The following CNTNAP5 variants were observed in gnomAD, a reference collection of about 807,000 sequenced individuals.
CNTNAP5 encodes the protein contactin-associated protein-like 5.
A neutral mutation model predicts 150.2 loss-of-function variants in CNTNAP5; 72 were observed. The observed-to-expected ratio is 0.48, with a 90% CI of 0.40 to 0.58. The LOEUF (loss-of-function observed/expected upper bound fraction) is 0.58, where lower values mean the gene tolerates loss of function less well. Ranked by LOEUF, CNTNAP5 falls within the 20% of genes least tolerant of loss-of-function variation. The pLI is 0.00. For missense variants in CNTNAP5, 1,636 were observed against 1,626.2 expected, an observed-to-expected ratio of 1.01 and a Z score of -0.10; for synonymous variants, 672 against 619.8, an observed-to-expected ratio of 1.08 and a Z score of -1.25.
At chr2:124,121,937 C>A (rs1056210300) in intron 1 of CNTNAP5, among the ~76,000 whole-genome samples, 4 of 152,196 alleles carry the variant, frequency 2.6e-5, no homozygotes, top group African/African-American at 9.7e-5. Context: ...GGAACTATTA[C>A]CACCATTAAT....
At chr2:124,084,922 C>CTTTTTTTTTTTT (rs1474480684) in intron 1 of CNTNAP5, among the ~76,000 whole-genome samples, 349 of 17,704 alleles carry the variant, frequency 0.02, 8 homozygotes, top group East Asian at 0.049. Flanking sequence ...TTCAAGTTTC[C>CTTTTTTTTTTTT]TGTTTTTTTT....
chr2:124,484,232 G>A (rs1409925771), intron 7 of CNTNAP5, among the ~76,000 whole-genome samples: 1 of 152,168 alleles, frequency 6.6e-6, no homozygotes, highest in Non-Finnish European at 1.5e-5. Flanking sequence ...GCTCAAGGTG[G>A]GACTGTGGGA....
intron 12 of CNTNAP5, among the ~76,000 whole-genome samples, chr2:124,643,797 G>C (rs1678145769): frequency 2.0e-5 from 3 of 152,164 alleles, no homozygotes; most frequent in Admixed American, 1.3e-4. Context: ...TATGAAACTT[G>C]CCAAAAGCTT....
At chr2:124,810,921 A>T (rs1573632624) in intron 19 of CNTNAP5, among the ~76,000 whole-genome samples, 1 of 152,132 alleles carries the variant, frequency 6.6e-6, no homozygotes, top group African/African-American at 2.4e-5. Context: ...TAGCCCCCCG[A>T]TGAAGAATTA....
chr2:124,624,323 T>A (rs115945778), intron 12 of CNTNAP5, among the ~76,000 whole-genome samples: 2,755 of 152,336 alleles, frequency 0.018, 31 homozygotes, highest in Non-Finnish European at 0.027. Context: ...CCCACATGGA[T>A]GGTAGCAGGA....
intron 18 of CNTNAP5, among the ~76,000 whole-genome samples, chr2:124,790,415 CTGT>C (rs1681700513): frequency 6.6e-6 from 1 of 152,220 alleles, no homozygotes; most frequent in East Asian, 1.9e-4. Context: ...ACCCACATTT[CTGT>C]TGTTAGCTAG....
chr2:124,660,053 AGG>A (rs1678554048), intron 13 of CNTNAP5, among the ~76,000 whole-genome samples: 1 of 150,512 alleles, frequency 6.6e-6, no homozygotes, highest in Non-Finnish European at 1.5e-5. Flanking sequence ...AAAGGAAGGA[AGG>A]AAGGAAGGAA....
chr2:124,158,269 C>CCTAG lies in CNTNAP5; in HGVS notation c.83-63435_83-63432dup, dbSNP rs1684591753. On this transcript the variant is annotated intron_variant, in intron 1 of 23. Coordinates refer to ENST00000682447, the MANE Select transcript of CNTNAP5 (RefSeq NM_001367498.1). ...GGAGTTGATGAGATAATGTACAATGCCTAGTACAACCATCCCTCTGTATCC... is the reference window on the plus strand; with the variant it reads ...GGAGTTGATGAGATAATGTACAATGCCTAGCTAGTACAACCATCCCTCTGTATCC... Among the ~76,000 whole-genome samples, 5 of 152,116 alleles carry CCTAG rather than the reference C, an allele frequency of 3.3e-5. No individual in the cohort carries two copies. In the South Asian group the frequency reaches 1.0e-3, roughly 32 times the overall value.
intron 6 of CNTNAP5, among the ~76,000 whole-genome samples, chr2:124,455,583 T>C (rs1049171157): frequency 9.2e-5 from 14 of 152,068 alleles, no homozygotes; most frequent in Non-Finnish European, 1.6e-4. Flanking sequence ...AATATCACCC[T>C]AATACCAAAA....
intron 3 of CNTNAP5, among the ~76,000 whole-genome samples, chr2:124,243,629 A>G (rs1686942597): frequency 6.6e-6 from 1 of 152,092 alleles, no homozygotes; most frequent in Non-Finnish European, 1.5e-5. Context: ...GGAAACAAAG[A>G]GGGGAAAATA....
At chr2:124,231,343 AT>A (rs1686613970) in intron 2 of CNTNAP5, among the ~76,000 whole-genome samples, 1 of 152,114 alleles carries the variant, frequency 6.6e-6, no homozygotes, top group Admixed American at 6.6e-5. Context: ...TCTGGTACTC[AT>A]TTTTCTCATT....
Position 124,382,250 on chromosome 2 carries a change from G to A in CNTNAP5, c.382-35193G>A, listed in dbSNP as rs189565249. ...GCACTGGAAAGAAGGTAGTCTATGC[G>A]CTCAGATGCAGGCACAGAGAGAGGT... is the stretch of plus-strand genomic sequence containing the variant. On this transcript the variant is annotated intron_variant, in intron 3 of 23. Transcript: ENST00000682447. Among the ~76,000 whole-genome samples the A allele has an allele frequency of 5.0e-4, 76 of 152,218 alleles. 1 individual carries two copies. Among genetic ancestry groups the A allele is most frequent in the Admixed American group, 3.7e-3 (57 of 15,276 alleles).
intron 3 of CNTNAP5, among the ~76,000 whole-genome samples, chr2:124,286,378 T>C (rs1179121706): frequency 6.6e-6 from 1 of 152,182 alleles, no homozygotes; most frequent in Non-Finnish European, 1.5e-5. Flanking sequence ...GCAGCAATGC[T>C]CAAATTTGGT....
At chr2:124,766,311 A>C (rs748982411) in intron 16 of CNTNAP5, among the ~76,000 whole-genome samples, 1 of 152,024 alleles carries the variant, frequency 6.6e-6, no homozygotes, top group African/African-American at 2.4e-5. Context: ...TGACCATATC[A>C]CTATAATGAT....
chr2:124,818,571 T>A (rs565666879), intron 19 of CNTNAP5, among the ~76,000 whole-genome samples: 36 of 152,176 alleles, frequency 2.4e-4, no homozygotes, highest in Non-Finnish European at 3.8e-4. Flanking sequence ...CTCTTGATTA[T>A]CCCTTCACTT....
chr2:124,336,257 C>A (rs1689464289), intron 3 of CNTNAP5, among the ~76,000 whole-genome samples: 1 of 151,830 alleles, frequency 6.6e-6, no homozygotes, highest in Non-Finnish European at 1.5e-5. Context: ...TCTTCCCTCC[C>A]TAAAGGGGTC....
At chr2:124,427,916 C>T (rs1203525097) in intron 4 of CNTNAP5, among the ~76,000 whole-genome samples, 2 of 152,174 alleles carry the variant, frequency 1.3e-5, no homozygotes, top group Non-Finnish European at 2.9e-5. Context: ...CTCCTTAACA[C>T]ACCACTTGCT....
chr2:124,825,234 G>C (rs1371790992), intron 19 of CNTNAP5, among the ~76,000 whole-genome samples: 1 of 152,030 alleles, frequency 6.6e-6, no homozygotes, highest in African/African-American at 2.4e-5. Context: ...CCTTTAATAA[G>C]GATAACAAAT....
intron 1 of CNTNAP5, among the ~76,000 whole-genome samples, chr2:124,122,391 G>A (rs149297951): frequency 1.8e-4 from 27 of 152,260 alleles, no homozygotes; most frequent in African/African-American, 6.3e-4. Flanking sequence ...TGGTAAAATT[G>A]TTTCTATTTA....
Sources: allele counts gnomAD v4.1 joint callset (sites outside exome capture counted in the v4.1 genomes callset), GRCh38; gene constraint gnomAD v4.1.1; transcripts MANE v1.5; gene names NCBI Gene and HGNC (gene_info 2026-07-23, HGNC 2026-07-21).